Variants in EYA1 observed in about 807,000 individuals in gnomAD.
EYA1 encodes the protein protein phosphatase EYA1.
EYA1 carries 16 observed loss-of-function variants against 82.0 expected under a neutral mutation model. The observed-to-expected ratio is 0.20, with a 90% CI of 0.13 to 0.30. EYA1 has a LOEUF of 0.30. Ranked by LOEUF, EYA1 falls within the 10% of genes least tolerant of loss-of-function variation. EYA1 has a pLI of 1.00. For missense variants in EYA1, 633 were observed against 730.7 expected (o/e 0.87, Z 1.54); for synonymous variants, 261 against 264.4 (o/e 0.99, Z 0.12).
chr8:71,507,367 A>G (rs1330343325), intron 2 of EYA1, among the ~76,000 whole-genome samples: 1 of 152,148 alleles, frequency 6.6e-6, no homozygotes, highest in Non-Finnish European at 1.5e-5. Context: ...AATCACATTG[A>G]GATATAATTT....
chr8:71,208,416 A>T (rs1261957197), intron 17 of EYA1, among the ~76,000 whole-genome samples: 2 of 152,136 alleles, frequency 1.3e-5, no homozygotes, highest in Non-Finnish European at 2.9e-5. Flanking sequence ...TGGGTGACGG[A>T]GACTCTTTCT....
intron 2 of EYA1, among the ~76,000 whole-genome samples, chr8:71,463,575 TTCTCTCTCTCTCTC>T (rs776367934): frequency 0.086 from 3,534 of 41,014 alleles, 205 homozygotes; most frequent in Middle Eastern, 0.15. Flanking sequence ...AATACATGCT[TTCTCTCTCTCTCTC>T]TCTCTCTCTC....
At chr8:71,317,091 A>G (rs1822006477) in intron 7 of EYA1, among the ~76,000 whole-genome samples, 1 of 152,208 alleles carries the variant, frequency 6.6e-6, no homozygotes, top group East Asian at 1.9e-4. Flanking sequence ...CACTTATCAC[A>G]TACTTTATTT....
Position 71,397,899 on chromosome 8 carries a change from C to T in EYA1, c.34-41388G>A, listed in dbSNP as rs143860316. On this transcript the variant is annotated intron_variant, in intron 2 of 18. Transcript: ENST00000643681. ...TGCAGAGTGTTTTCCAACTTGGTTC[C>T]ATTCTCCCCGTCACTTTCAGGTACA... is the stretch of plus-strand genomic sequence containing the variant. Among the ~76,000 whole-genome samples, 307 of 152,270 alleles carry T rather than the reference C, an allele frequency of 2.0e-3. 2 individuals carry two copies. Among genetic ancestry groups the T allele is most frequent in the African/African-American group, 6.9e-3 (286 of 41,534 alleles).
At chr8:71,405,365 C>G (rs1830164401) in intron 2 of EYA1, among the ~76,000 whole-genome samples, 1 of 152,204 alleles carries the variant, frequency 6.6e-6, no homozygotes, top group Non-Finnish European at 1.5e-5. Context: ...ATAATTAACT[C>G]TTAACCACAG....
At chr8:71,545,663 G>A (rs1468211856) in intron 1 of EYA1, among the ~76,000 whole-genome samples, 6 of 145,412 alleles carry the variant, frequency 4.1e-5, no homozygotes, top group Non-Finnish European at 8.9e-5. Context: ...CCCGGTTCAC[G>A]CCATTCTCTT....
At chr8:71,448,627 T>G (rs561988589) in intron 2 of EYA1, among the ~76,000 whole-genome samples, 10 of 152,286 alleles carry the variant, frequency 6.6e-5, no homozygotes, top group South Asian at 4.1e-4. Context: ...GTCCAGATGG[T>G]TTTCAGTGTA....
intron 2 of EYA1, among the ~76,000 whole-genome samples, chr8:71,423,413 T>G (rs1194248454): frequency 6.6e-6 from 1 of 152,232 alleles, no homozygotes; most frequent in Non-Finnish European, 1.5e-5. Flanking sequence ...TTATATTTTC[T>G]GATCCATCAC....
chr8:71,202,149 A>AAGTT (rs1161821294), intron 17 of EYA1, among the ~76,000 whole-genome samples: 2 of 152,304 alleles, frequency 1.3e-5, no homozygotes, highest in East Asian at 3.9e-4. Flanking sequence ...CCCCACAGAC[A>AAGTT]AGTTACAACC....
At chr8:71,374,019 GAT>G (rs1390442542) in intron 2 of EYA1, among the ~76,000 whole-genome samples, 1 of 152,066 alleles carries the variant, frequency 6.6e-6, no homozygotes, top group Non-Finnish European at 1.5e-5. Context: ...TGTAAGACTT[GAT>G]ACCATACAAC....
rs190256327 is a variant in EYA1, at chr8:71,330,899, C to T, written c.202+3198G>A. Among the ~76,000 whole-genome samples the T allele has an allele frequency of 1.7e-3, 258 of 151,978 alleles. 1 individual carries two copies. The highest frequency in any genetic ancestry group is 3.4e-3 in the Middle Eastern group (1 of 294). ...TGTATGCATACGCATATGTACCTCACATTCTGTTGGAGTTTTGTGTATGAT... is the reference window on the plus strand; with the variant it reads ...TGTATGCATACGCATATGTACCTCATATTCTGTTGGAGTTTTGTGTATGAT... On this transcript the variant is annotated intron_variant, in intron 4 of 17. Coordinates refer to ENST00000340726, the MANE Select transcript of EYA1 (RefSeq NM_000503.6).
At chr8:71,269,562 A>C (rs867312614) in intron 11 of EYA1, among the ~76,000 whole-genome samples, 178 bp downstream of exon 11, 2 of 152,228 alleles carry the variant, frequency 1.3e-5, no homozygotes, top group African/African-American at 4.8e-5. Context: ...CCTAAAAATA[A>C]TATCTTCTTT....
intron 2 of EYA1, among the ~76,000 whole-genome samples, chr8:71,442,967 C>G (rs903436084): frequency 6.6e-6 from 1 of 152,206 alleles, no homozygotes; most frequent in Admixed American, 6.5e-5. Context: ...CTATTACATA[C>G]TCTCAACTAA....
intron 2 of EYA1, among the ~76,000 whole-genome samples, chr8:71,500,545 A>G (rs1811738579): frequency 6.6e-6 from 1 of 152,158 alleles, no homozygotes; most frequent in African/African-American, 2.4e-5. Context: ...GTGTATGTAC[A>G]TAACAGACAA....
intron 2 of EYA1, among the ~76,000 whole-genome samples, chr8:71,487,145 T>G (rs1810633919): frequency 6.6e-6 from 1 of 151,818 alleles, no homozygotes; most frequent in East Asian, 1.9e-4. Context: ...TTCAAATGTA[T>G]TATTTGGACA....
chr8:71,333,978 C>T (rs1403323119), intron 4 of EYA1, 119 bp downstream of exon 4: 18 of 732,354 alleles, frequency 2.5e-5, no homozygotes, highest in South Asian at 1.1e-4. Context: ...TACATAAGTA[C>T]GTATATACCC....
intron 11 of EYA1, among the ~76,000 whole-genome samples, chr8:71,265,302 T>C (rs1201377723): frequency 6.6e-6 from 1 of 152,218 alleles, no homozygotes; most frequent in Non-Finnish European, 1.5e-5. Flanking sequence ...TTTTCTCATC[T>C]ATAAAATAGG....
chr8:71,329,273 C>G (rs1823530656), intron 4 of EYA1, among the ~76,000 whole-genome samples: 1 of 152,188 alleles, frequency 6.6e-6, no homozygotes, highest in African/African-American at 2.4e-5. Context: ...CTTCTTCTTT[C>G]TACCCGTCTT....
rs529236634 is a variant in EYA1, at chr8:71,449,595, C to A, written c.33+86149G>T. Among the ~76,000 whole-genome samples, 16 of 152,292 alleles carry A rather than the reference C, an allele frequency of 1.1e-4. No homozygotes were observed. The East Asian group carries it at 2.7e-3, about 26-fold the overall frequency. ...CCATTTATAGACAGCACAGGCAGTG[C>A]AGATTTAGCATCATCCTTGAGAGCC... On this transcript the variant is annotated intron_variant, in intron 2 of 18. Transcript: ENST00000643681.
Sources: allele counts gnomAD v4.1 joint callset (sites outside exome capture counted in the v4.1 genomes callset), GRCh38; gene constraint gnomAD v4.1.1; transcripts MANE v1.5; gene names NCBI Gene and HGNC (gene_info 2026-07-23, HGNC 2026-07-21).